Variants in LMO2 observed in about 807,000 individuals in gnomAD.
The protein encoded by LMO2 is rhombotin-2.
A neutral mutation model predicts 23.2 loss-of-function variants in LMO2; 20 were observed. That is an observed-to-expected ratio of 0.86 (90% CI 0.61 to 1.25). LMO2 has a LOEUF of 1.25. Among genes scored for constraint, LMO2 ranks in the 50% most tolerant of loss-of-function variants. The pLI, the probability that LMO2 is intolerant of heterozygous loss-of-function variation, is 0.00. For missense variants in LMO2, 270 were observed against 315.3 expected, an observed-to-expected ratio of 0.86 and a Z score of 1.09; for synonymous variants, 123 against 130.2, an observed-to-expected ratio of 0.94 and a Z score of 0.38.
At position 33,880,182 on chromosome 11, in the gene LMO2, TATATATATCATATATACACATG is replaced by T. The variant is rs751021412; in HGVS notation, c.-272+1620_-272+1641del. ...ATATACATATGATATATACACATGA[TATATATATCATATATACACATG>T]ATATATATATCATATATACACATGA... is the stretch of plus-strand genomic sequence containing the variant. On this transcript the variant is annotated intron_variant, in intron 2 of 5. Transcript: ENST00000257818. The surrounding 1 kb of genome is among the most constrained non-coding windows in gnomAD (Gnocchi z 4.3). Among the ~76,000 whole-genome samples, 8 of 148,510 alleles carry T rather than the reference TATATATATCATATATACACATG, an allele frequency of 5.4e-5. 1 individual carries two copies. The highest frequency in any genetic ancestry group is 2.1e-4 in the South Asian group (1 of 4,768).
At position 33,859,235 on chromosome 11, in the gene LMO2, T is replaced by C; in HGVS notation, c.*121A>G. 2 of 671,972 alleles carry C rather than the reference T, an allele frequency of 3.0e-6. No homozygotes were observed. The highest frequency in any genetic ancestry group is 1.8e-5 in the South Asian group (1 of 54,282). 41.6% of individuals were successfully genotyped at this position (671,972 alleles called of 1,614,324 possible). ...CTTGATACCCAATAAAGGTCTACCA[T>C]CCCCTAAGAAATCCCTTACCCCACC... On this transcript the variant is annotated 3_prime_UTR_variant, in exon 6 of 6. Transcript: ENST00000257818.
chr11:33,881,497 C>G (rs371557274), intron 2 of LMO2: 1 of 427,914 alleles, frequency 2.3e-6, no homozygotes. Flanking sequence ...GGGGCTGGCA[C>G]GGAATGGTAG....
In LMO2 at chr11:33,867,039, C is replaced by T. The variant is rs116942696; in HGVS notation, c.249-2222G>A. On this transcript the variant is annotated intron_variant, in intron 4 of 5. Coordinates refer to ENST00000257818, the MANE Select transcript of LMO2 (RefSeq NM_005574.4). ...TGGAACCTGGACGCACATTGGATGT[C>T]CCGATGTTGATGCTGCCAAAGGACT... is the stretch of plus-strand genomic sequence containing the variant. 8.2e-3 allele frequency among the ~76,000 whole-genome samples: 1,248 copies of T among 152,250 alleles called. 20 individuals carry two copies. The highest frequency in any genetic ancestry group is 0.081 in the East Asian group (422 of 5,182).
chr11:33,872,710 C>A (rs1857053125), intron 2 of LMO2, among the ~76,000 whole-genome samples: 1 of 152,092 alleles, frequency 6.6e-6, no homozygotes, highest in Non-Finnish European at 1.5e-5. Flanking sequence ...TTTTAACGTT[C>A]ATTATCGTGG....
intron 2 of LMO2, among the ~76,000 whole-genome samples, chr11:33,870,733 G>A (rs1171434855): frequency 1.3e-5 from 2 of 152,226 alleles, no homozygotes; most frequent in South Asian, 2.1e-4. Context: ...AGTGCCAGTA[G>A]TATCCCGACC....
chr11:33,868,186 C>G (rs982443660), intron 4 of LMO2, among the ~76,000 whole-genome samples: 1 of 152,104 alleles, frequency 6.6e-6, no homozygotes, highest in African/African-American at 2.4e-5. Flanking sequence ...ATATGTTGAG[C>G]TTTTATGCTG....
intron 5 of LMO2, 30 bp from the exon 6 acceptor site, chr11:33,859,605 AC>A (rs1565019944): frequency 4.4e-6 from 7 of 1,602,490 alleles, no homozygotes; most frequent in Non-Finnish European, 6.0e-6. Context: ...AGCTAAGAAG[AC>A]AGTGAAAGGG....
At chr11:33,875,522 G>A (rs190652733) in intron 2 of LMO2, among the ~76,000 whole-genome samples, 32 of 139,214 alleles carry the variant, frequency 2.3e-4, no homozygotes, top group African/African-American at 8.4e-4. Flanking sequence ...AGGTTGCAGT[G>A]AACTGAGACC....
chr11:33,871,486 T>C (rs1265922168), intron 2 of LMO2, among the ~76,000 whole-genome samples: 2 of 147,128 alleles, frequency 1.4e-5, no homozygotes, highest in Non-Finnish European at 3.0e-5. Flanking sequence ...GAGGATTGCT[T>C]GAGCCCAGGA....
chr11:33,890,726 A>G (rs1257474111), intron 1 of LMO2, among the ~76,000 whole-genome samples: 4 of 152,190 alleles, frequency 2.6e-5, no homozygotes, highest in Non-Finnish European at 5.9e-5. Context: ...CTTAACAACA[A>G]TGACAATGAT....
chr11:33,882,808 A>T (rs1407418276), intron 1 of LMO2, among the ~76,000 whole-genome samples: 2 of 152,244 alleles, frequency 1.3e-5, no homozygotes, highest in Non-Finnish European at 2.9e-5. Flanking sequence ...AAATTTCAAT[A>T]ACTTTCCCAG....
intron 2 of LMO2, chr11:33,881,445 G>C: frequency 2.2e-6 from 1 of 455,008 alleles, no homozygotes; most frequent in South Asian, 1.6e-5. Context: ...TTCCATCCTC[G>C]CCTTCACAAG....
At position 33,859,494 on chromosome 11, in the gene LMO2, T is replaced by G. The variant is rs1212384122; in HGVS notation, c.546A>C (p.Lys182Asn). ...AYEMTMRVKD[K>N]VYHLECFKCA... ...ATTTGAAACATTCCAGGTGATACAC[T>G]TTGTCTTTCACCCGCATTGTCATCT... The change falls in exon 6 of 6, where the codon AAA (lysine) becomes AAC (asparagine). Residue 182 changes from lysine (K) to asparagine (N), a missense_variant. Physicochemically the swap from Lys to Asn is moderately conservative, Grantham distance 94. Coordinates refer to ENST00000257818, the MANE Select transcript of LMO2 (RefSeq NM_005574.4). 1 of 1,613,858 alleles carries G rather than the reference T, an allele frequency of 6.2e-7. No homozygotes were observed. The highest frequency in any genetic ancestry group is 8.5e-7 in the Non-Finnish European group (1 of 1,179,898).
intron 1 of LMO2, among the ~76,000 whole-genome samples, chr11:33,888,676 T>C (rs1857471870): frequency 6.6e-6 from 1 of 152,216 alleles, no homozygotes; most frequent in Non-Finnish European, 1.5e-5. Flanking sequence ...CTGTGTTATT[T>C]TTCTCCCTAG....
At chr11:33,881,138 C>T (rs748859187) in intron 2 of LMO2, 101 of 456,618 alleles carry the variant, frequency 2.2e-4, no homozygotes, top group Middle Eastern at 6.5e-4. Context: ...CTCTGATGAG[C>T]AGAGCATCTT....
chr11:33,885,879 C>A (rs1192010125), intron 1 of LMO2, among the ~76,000 whole-genome samples: 2 of 127,710 alleles, frequency 1.6e-5, no homozygotes, highest in Non-Finnish European at 3.7e-5. Context: ...GGCTGGTACA[C>A]CTTTTTTTTT....
At chr11:33,891,053 T>G (rs1386260619) in intron 1 of LMO2, among the ~76,000 whole-genome samples, 1 of 152,118 alleles carries the variant, frequency 6.6e-6, no homozygotes, top group Non-Finnish European at 1.5e-5. Context: ...TTATGCAAAG[T>G]CAACAAGAGA....
chr11:33,875,637 A>G (rs942170304), intron 2 of LMO2, among the ~76,000 whole-genome samples: 2 of 151,722 alleles, frequency 1.3e-5, no homozygotes, highest in Non-Finnish European at 2.9e-5. Flanking sequence ...TTTGATGGAC[A>G]AAGCAAATGA....
At chr11:33,887,996 A>G (rs2133719565) in intron 1 of LMO2, among the ~76,000 whole-genome samples, 1 of 152,276 alleles carries the variant, frequency 6.6e-6, no homozygotes, top group East Asian at 1.9e-4. Flanking sequence ...CTGCTGTGCT[A>G]GGAGCTTAAC....
Sources: allele counts gnomAD v4.1 joint callset (sites outside exome capture counted in the v4.1 genomes callset), GRCh38; gene constraint gnomAD v4.1.1; non-coding constraint Gnocchi (gnomAD v3.1); transcripts MANE v1.5; gene names NCBI Gene and HGNC (gene_info 2026-07-23, HGNC 2026-07-21).